CHD2: variants seen among roughly 807,000 people sequenced by gnomAD.
CHD2 encodes the protein chromodomain helicase DNA binding protein 2.
A neutral mutation model predicts 243.9 loss-of-function variants in CHD2; 28 were observed. The ratio of observed to expected loss-of-function variants is 0.11; its 90% CI spans 0.09 to 0.16. The LOEUF (loss-of-function observed/expected upper bound fraction) is 0.16. CHD2 is among the 10% of genes least tolerant of loss of function. The pLI, the probability that CHD2 is intolerant of heterozygous loss-of-function variation, is 1.00. For synonymous variants in CHD2, 775 were observed against 779.0 expected, an observed-to-expected ratio of 0.99 and a Z score of 0.09; for missense variants, 1,386 against 2,209.8, an observed-to-expected ratio of 0.63 and a Z score of 7.47.
At chr15:92,953,140 G>T (rs1205818043) in intron 13 of CHD2, among the ~76,000 whole-genome samples, 1 of 152,192 alleles carries the variant, frequency 6.6e-6, no homozygotes, top group Non-Finnish European at 1.5e-5. Flanking sequence ...TCCAAGTCTA[G>T]GTAGGCCACT....
intron 38 of CHD2, among the ~76,000 whole-genome samples, chr15:93,022,713 G>A (rs1338251721): frequency 6.6e-6 from 1 of 152,112 alleles, no homozygotes; most frequent in Admixed American, 6.6e-5. Flanking sequence ...TGTGAACTCT[G>A]GCCACCTTGG....
Position 92,958,829 on chromosome 15 carries a change from C to T in CHD2, c.2000+2180C>T, listed in dbSNP as rs139197250. On this transcript the variant is annotated intron_variant, in intron 16 of 38. Transcript: ENST00000394196. Reference sequence around the variant, plus strand: ...ACTCTTTATTATAAAGTTGGCTTTGCGTTAGGTGATTTTGCTCAATATCCT... The same window carrying T: ...ACTCTTTATTATAAAGTTGGCTTTGTGTTAGGTGATTTTGCTCAATATCCT... Among the ~76,000 whole-genome samples the T allele has an allele frequency of 1.8e-4, 27 of 152,182 alleles. No homozygotes were observed. The East Asian group carries it at 4.6e-3, about 26-fold the overall frequency.
chr15:92,988,728 T>G (rs184604168), intron 26 of CHD2, among the ~76,000 whole-genome samples: 2 of 152,302 alleles, frequency 1.3e-5, no homozygotes, highest in African/African-American at 4.8e-5. Context: ...TTCTTCAGGC[T>G]AATATCTGCT....
chr15:92,959,373 T>C (rs2053656792), intron 16 of CHD2, among the ~76,000 whole-genome samples: 1 of 152,272 alleles, frequency 6.6e-6, no homozygotes, highest in Non-Finnish European at 1.5e-5. Context: ...TGAAACTCAG[T>C]TGACACCATA....
At chr15:92,939,821 TAAC>T (rs2053328761) in intron 7 of CHD2, 103 bp downstream of exon 7, 2 of 1,209,754 alleles carry the variant, frequency 1.7e-6, no homozygotes, top group Admixed American at 4.8e-5. Flanking sequence ...TAGATAAAAA[TAAC>T]AGCCTATGTC....
At position 92,984,428 on chromosome 15, in the gene CHD2, A is replaced by G. The variant is rs758991890; in HGVS notation, c.3165A>G (p.Val1055=). ...EIIPEEQRKK[V]EEEERQKELE... ...TTCCAGAGGAACAAAGGAAAAAAGTAGAGGAGGAAGAGCGGCAGAAGGAGC... is the reference window on the plus strand; with the variant it reads ...TTCCAGAGGAACAAAGGAAAAAAGTGGAGGAGGAAGAGCGGCAGAAGGAGC... The change falls in exon 25 of 39, where the codon GTA becomes GTG. Residue 1055 remains valine (V), a synonymous_variant. Transcript: ENST00000394196. 6.2e-7 allele frequency: 1 copy of G among 1,613,108 alleles called. No individual in the cohort carries two copies. The highest frequency in any genetic ancestry group is 1.1e-5 in the South Asian group (1 of 90,838).
intron 33 of CHD2, among the ~76,000 whole-genome samples, chr15:93,003,371 A>G (rs144089291): frequency 6.6e-6 from 1 of 152,006 alleles, no homozygotes; most frequent in East Asian, 1.9e-4. Context: ...TGAATTTCCC[A>G]TTTTGAAATA....
In CHD2 at chr15:92,919,517, C is replaced by T. The variant is rs1406372886; in HGVS notation, c.63-4804C>T. Reference sequence around the variant, plus strand: ...AAGTGATTCTTCTGCCTCAGCCTCCCGAGTAGCTGGGACTACAGGCACACT... The same window carrying T: ...AAGTGATTCTTCTGCCTCAGCCTCCTGAGTAGCTGGGACTACAGGCACACT... On this transcript the variant is annotated intron_variant, in intron 2 of 38. Transcript: ENST00000394196. Among the ~76,000 whole-genome samples, 7 of 152,000 alleles carry T rather than the reference C, an allele frequency of 4.6e-5. No individual in the cohort carries two copies. The East Asian group carries it at 5.8e-4, about 13-fold the overall frequency.
chr15:92,905,685 T>C (rs1195007192), intron 2 of CHD2, among the ~76,000 whole-genome samples: 1 of 152,258 alleles, frequency 6.6e-6, no homozygotes. Context: ...AAGAATTATT[T>C]GGATAGTTTG....
intron 9 of CHD2, 137 bp downstream of exon 9, chr15:92,943,205 A>T: frequency 3.0e-6 from 2 of 666,824 alleles, no homozygotes; most frequent in Non-Finnish European, 5.0e-6. Flanking sequence ...GCCATTTACA[A>T]TTCTATTTTA....
chr15:93,012,202 C>A (rs895479478), intron 35 of CHD2, 143 bp from the exon 36 acceptor site: 53 of 493,102 alleles, frequency 1.1e-4, no homozygotes, highest in Non-Finnish European at 1.6e-4. Flanking sequence ...AATGCAAATA[C>A]CTGAAATAAT....
chr15:92,973,314 A>T (rs1214465268), intron 19 of CHD2, among the ~76,000 whole-genome samples: 1 of 152,218 alleles, frequency 6.6e-6, no homozygotes, highest in South Asian at 2.1e-4. Flanking sequence ...CTAGGTGTAT[A>T]TAATCTAGTA....
intron 13 of CHD2, among the ~76,000 whole-genome samples, chr15:92,949,944 C>T (rs1024215608): frequency 1.6e-4 from 25 of 152,250 alleles, no homozygotes; most frequent in Non-Finnish European, 2.2e-4. Context: ...GGAGCTGGAC[C>T]GCACAATCTA....
At chr15:92,960,705 GTTTTTTTTTTT>G (rs71467745) in intron 16 of CHD2, among the ~76,000 whole-genome samples, 122 of 51,476 alleles carry the variant, frequency 2.4e-3, no homozygotes, top group African/African-American at 8.3e-3. Context: ...TCTGTTTGGT[GTTTTTTTTTTT>G]TTTTTTTTTT....
chr15:93,023,679 G>GT (rs150306581), intron 38 of CHD2, among the ~76,000 whole-genome samples: 16,715 of 143,352 alleles, frequency 0.12, 1,348 homozygotes, highest in African/African-American at 0.23. Flanking sequence ...TTTTTTTTTT[G>GT]TGTTTTTTTT....
At chr15:92,919,924 A>T (rs745959741) in intron 2 of CHD2, among the ~76,000 whole-genome samples, 5 of 152,208 alleles carry the variant, frequency 3.3e-5, no homozygotes, top group Non-Finnish European at 5.9e-5. Flanking sequence ...CCCTGAGAGC[A>T]TCTGCCTCCC....
At chr15:92,907,968 G>A (rs1338959191) in intron 2 of CHD2, among the ~76,000 whole-genome samples, 1 of 150,622 alleles carries the variant, frequency 6.6e-6, no homozygotes, top group Non-Finnish European at 1.5e-5. Context: ...CATTTAGTCA[G>A]CTTGGGTGCG....
In CHD2 at chr15:92,998,015, G is replaced by A. The variant is rs1737457970; in HGVS notation, c.3886-484G>A. ...GGAGGGTGACAGCACCCTGCCTTAA[G>A]CACTGAGACCAGATTCAGTCTGGCA... is the stretch of plus-strand genomic sequence containing the variant. On this transcript the variant is annotated intron_variant, in intron 30 of 38. Transcript: ENST00000394196. The surrounding 1 kb of genome is among the most constrained non-coding windows in gnomAD (Gnocchi z 5.1). 1 of 203,648 alleles carries A rather than the reference G, an allele frequency of 4.9e-6. No homozygotes were observed. Among genetic ancestry groups the A allele is most frequent in the African/African-American group, 2.4e-5 (1 of 42,298 alleles). 12.6% of individuals were successfully genotyped at this position (203,648 alleles called of 1,614,324 possible).
At chr15:92,971,698 C>G (rs931810032) in intron 17 of CHD2, 67 bp from the exon 18 acceptor site, 1 of 1,435,124 alleles carries the variant, frequency 7.0e-7, no homozygotes, top group African/African-American at 1.4e-5. Context: ...ATCTCTTATA[C>G]TCTTCTGGTA....
Sources: gnomAD v4.1 joint callset for allele counts (sites outside exome capture counted in the v4.1 genomes callset) on GRCh38, gnomAD v4.1.1 for gene constraint, Gnocchi (gnomAD v3.1) non-coding constraint, MANE v1.5 for transcripts, NCBI Gene and HGNC (gene_info 2026-07-23, HGNC 2026-07-21) for gene names.